Variants in PRKG1 observed in about 807,000 individuals in gnomAD.
PRKG1 encodes the protein protein kinase cGMP-dependent 1.
Under a neutral mutation model 88.1 loss-of-function variants are expected in PRKG1, and 35 were observed. That is an observed-to-expected ratio of 0.40 (90% confidence interval 0.30 to 0.53). The LOEUF (loss-of-function observed/expected upper bound fraction) is 0.53. Among genes scored for constraint, PRKG1 ranks in the 20% least tolerant of loss-of-function variants. PRKG1 has a pLI of 0.59. For missense variants in PRKG1, 540 were observed against 839.8 expected, an observed-to-expected ratio of 0.64 and a Z score of 4.41; for synonymous variants, 303 against 292.5, an observed-to-expected ratio of 1.04 and a Z score of -0.37.
chr10:51,421,054 T>C (rs1838399943), intron 2 of PRKG1, among the ~76,000 whole-genome samples: 1 of 152,204 alleles, frequency 6.6e-6, no homozygotes, highest in South Asian at 2.1e-4. Flanking sequence ...AACATGAGAT[T>C]TGGGCAGGGG....
intron 2 of PRKG1, among the ~76,000 whole-genome samples, chr10:51,429,379 C>T (rs977818537): frequency 1.3e-5 from 2 of 152,016 alleles, no homozygotes; most frequent in Admixed American, 1.3e-4. Context: ...AACTGGAATC[C>T]AGACTTGCTG....
At chr10:51,228,930 A>G (rs778609608) in intron 2 of PRKG1, among the ~76,000 whole-genome samples, 1 of 152,124 alleles carries the variant, frequency 6.6e-6, no homozygotes, top group South Asian at 2.1e-4. Flanking sequence ...TGGAACTTGC[A>G]CTGTTTCTTT....
At chr10:51,432,711 C>T (rs1362863999) in intron 2 of PRKG1, among the ~76,000 whole-genome samples, 2 of 150,986 alleles carry the variant, frequency 1.3e-5, no homozygotes, top group African/African-American at 5.0e-5. Context: ...ATATTTCTAA[C>T]ACTCATTTAA....
chr10:52,232,963 A>G lies in PRKG1; in HGVS notation c.1077-18607A>G, dbSNP rs558104342. On this transcript the variant is annotated intron_variant, in intron 9 of 17. Coordinates refer to ENST00000373980, the MANE Select transcript of PRKG1 (RefSeq NM_006258.4). ...AATAAGACCGAGAATCCAATCAGAT[A>G]CTGTCTGTTCTTTGAAAACATTAAG... Among the ~76,000 whole-genome samples the G allele has an allele frequency of 1.1e-4, 17 of 152,350 alleles. No homozygotes were observed. In the East Asian group the frequency reaches 2.9e-3, roughly 26 times the overall value.
At chr10:51,150,035 A>C (rs910597053) in intron 1 of PRKG1, among the ~76,000 whole-genome samples, 5 of 152,138 alleles carry the variant, frequency 3.3e-5, no homozygotes, top group African/African-American at 1.2e-4. Flanking sequence ...TTTGGGCATG[A>C]AAGAAAAAGA....
chr10:51,090,600 G>A (rs1245271341), intron 1 of PRKG1, among the ~76,000 whole-genome samples: 1 of 152,136 alleles, frequency 6.6e-6, no homozygotes, highest in Non-Finnish European at 1.5e-5. Context: ...GAAAATAATT[G>A]TATTATGCCA....
intron 9 of PRKG1, among the ~76,000 whole-genome samples, chr10:52,192,242 A>G (rs1273141782): frequency 6.6e-6 from 1 of 152,072 alleles, no homozygotes; most frequent in Non-Finnish European, 1.5e-5. Flanking sequence ...TTTTCTAGAC[A>G]GTAAGATGCC....
chr10:51,765,169 C>T (rs1838125742), intron 3 of PRKG1, among the ~76,000 whole-genome samples: 1 of 152,048 alleles, frequency 6.6e-6, no homozygotes, highest in African/African-American at 2.4e-5. Flanking sequence ...TAAACCTAAC[C>T]TTTTAGAGGG....
At chr10:51,880,977 T>C (rs1841421758) in intron 4 of PRKG1, among the ~76,000 whole-genome samples, 1 of 130,208 alleles carries the variant, frequency 7.7e-6, no homozygotes, top group African/African-American at 3.0e-5. Context: ...AAAGAAAAAA[T>C]AAAAGGCTTG....
At chr10:51,244,709 C>G (rs1384613844) in intron 2 of PRKG1, among the ~76,000 whole-genome samples, 1 of 152,008 alleles carries the variant, frequency 6.6e-6, no homozygotes, top group African/African-American at 2.4e-5. Context: ...ACCTTCTTAA[C>G]ATAAAAAATT....
At chr10:51,136,913 CT>C (rs796124014) in intron 1 of PRKG1, among the ~76,000 whole-genome samples, 3 of 151,152 alleles carry the variant, frequency 2.0e-5, no homozygotes, top group African/African-American at 2.4e-5. Flanking sequence ...TTAATTGTTT[CT>C]TTTTTTTTGA....
At chr10:51,573,369 C>T (rs1179772148) in intron 3 of PRKG1, among the ~76,000 whole-genome samples, 1 of 148,400 alleles carries the variant, frequency 6.7e-6, no homozygotes, top group African/African-American at 2.6e-5. Flanking sequence ...TATTTAATCA[C>T]TAAAAGATTA....
chr10:51,698,361 C>T lies in PRKG1; in HGVS notation c.593-106224C>T. On this transcript the variant is annotated intron_variant, in intron 3 of 17. Transcript: ENST00000373980. ...AGACCCCTTTGATCTATCATGGGGC[C>T]TCTGGGCTCTCCAATTAGCAGTCTG... The T allele has an allele frequency of 1.2e-6, 2 of 1,614,160 alleles. No individual in the cohort carries two copies. Among genetic ancestry groups the T allele is most frequent in the Admixed American group, 3.3e-5 (2 of 60,026 alleles).
intron 12 of PRKG1, among the ~76,000 whole-genome samples, chr10:52,273,529 T>C (rs1418810183): frequency 1.3e-5 from 2 of 152,106 alleles, no homozygotes; most frequent in South Asian, 2.1e-4. Context: ...TTATGAACTG[T>C]TGATTTAAAT....
chr10:51,216,163 A>C (rs1165798964), intron 2 of PRKG1, among the ~76,000 whole-genome samples: 1 of 152,214 alleles, frequency 6.6e-6, no homozygotes, highest in Non-Finnish European at 1.5e-5. Flanking sequence ...TGAGCAGATG[A>C]ATGAATGTAA....
In PRKG1 at chr10:51,171,670, C is replaced by A. The variant is rs182439460; in HGVS notation, c.478+18340C>A. Among the ~76,000 whole-genome samples the A allele has an allele frequency of 2.1e-3, 317 of 152,128 alleles. 2 individuals carry two copies. The highest frequency in any genetic ancestry group is 0.017 in the Middle Eastern group (5 of 294). On this transcript the variant is annotated intron_variant, in intron 2 of 17. Coordinates refer to ENST00000373980, the MANE Select transcript of PRKG1 (RefSeq NM_006258.4). Reference sequence around the variant, plus strand: ...GAAAAAGTAATCTCGACAAAGGCAGCGATCTGTCCAGTAAAAAATTTGTGG... The same window carrying A: ...GAAAAAGTAATCTCGACAAAGGCAGAGATCTGTCCAGTAAAAAATTTGTGG...
At chr10:52,239,997 G>A (rs1840817299) in intron 9 of PRKG1, among the ~76,000 whole-genome samples, 1 of 152,096 alleles carries the variant, frequency 6.6e-6, no homozygotes, top group African/African-American at 2.4e-5. Flanking sequence ...GAATGACTGT[G>A]CAGAAACCTT....
chr10:51,517,525 G>A (rs1261027454), intron 3 of PRKG1, among the ~76,000 whole-genome samples: 1 of 152,182 alleles, frequency 6.6e-6, no homozygotes, highest in East Asian at 1.9e-4. Context: ...TCTGATAGTG[G>A]TGCCATTCCC....
At chr10:51,471,916 T>A (rs1471910745) in intron 3 of PRKG1, among the ~76,000 whole-genome samples, 1 of 151,920 alleles carries the variant, frequency 6.6e-6, no homozygotes, top group Non-Finnish European at 1.5e-5. Context: ...AGATATTTTA[T>A]GACATTACTT....
Sources: gnomAD v4.1 joint callset for allele counts (sites outside exome capture counted in the v4.1 genomes callset) on GRCh38, gnomAD v4.1.1 for gene constraint, MANE v1.5 for transcripts, NCBI Gene and HGNC (gene_info 2026-07-23, HGNC 2026-07-21) for gene names.